The following NALF1 variants were observed in gnomAD, a reference collection of about 807,000 sequenced individuals.
NALF1 encodes family with sequence similarity 155 member A.
NALF1 carries 3 observed loss-of-function variants against 48.4 expected under a neutral mutation model. The observed-to-expected ratio is 0.06, with a 90% CI of 0.03 to 0.16. The LOEUF (loss-of-function observed/expected upper bound fraction) is 0.16, where lower values mean the gene tolerates loss of function less well. Among genes scored for constraint, NALF1 ranks in the 10% least tolerant of loss-of-function variants. NALF1 has a pLI of 1.00. For missense variants in NALF1, 526 were observed against 571.5 expected, an observed-to-expected ratio of 0.92 and a Z score of 0.81; for synonymous variants, 262 against 245.7, an observed-to-expected ratio of 1.07 and a Z score of -0.62.
intron 1 of NALF1, among the ~76,000 whole-genome samples, chr13:107,824,306 T>C (rs765660195): frequency 6.6e-6 from 1 of 152,126 alleles, no homozygotes; most frequent in Non-Finnish European, 1.5e-5. Flanking sequence ...GATATATTTG[T>C]TTTGACTCTA....
intron 1 of NALF1, among the ~76,000 whole-genome samples, chr13:107,595,407 C>T (rs1362952256): frequency 1.3e-5 from 2 of 152,032 alleles, no homozygotes; most frequent in Non-Finnish European, 2.9e-5. Flanking sequence ...AAGAGAGTAT[C>T]TCATATGTTC....
chr13:107,579,001 T>C (rs531903882), intron 1 of NALF1, among the ~76,000 whole-genome samples: 1 of 152,314 alleles, frequency 6.6e-6, no homozygotes, highest in South Asian at 2.1e-4. Flanking sequence ...GTCACTCTGC[T>C]CCAAGCCATC....
intron 1 of NALF1, among the ~76,000 whole-genome samples, chr13:107,855,778 A>T (rs536864159): frequency 1.3e-5 from 2 of 152,330 alleles, no homozygotes; most frequent in African/African-American, 4.8e-5. Context: ...CCTAAGTCTT[A>T]ATTACCGCTT....
intron 1 of NALF1, among the ~76,000 whole-genome samples, chr13:107,485,717 T>C (rs1483718126): frequency 6.6e-6 from 1 of 152,200 alleles, no homozygotes; most frequent in Non-Finnish European, 1.5e-5. Flanking sequence ...GAAATATAGA[T>C]GCATCTGTAC....
chr13:107,335,726 C>G (rs1882543566), intron 1 of NALF1, among the ~76,000 whole-genome samples: 1 of 152,164 alleles, frequency 6.6e-6, no homozygotes, highest in South Asian at 2.1e-4. Context: ...CTACAGGCAG[C>G]TGGAAAAGGA....
At position 107,165,771 on chromosome 13, in the gene NALF1, GT is replaced by G. The variant is rs981882175; in HGVS notation, c.*4725del. On this transcript the variant is annotated 3_prime_UTR_variant, in exon 3 of 3. Transcript: ENST00000375915. ...ACCCAATACCTACCTGCTATATTAG[GT>G]TTTTTATAAACATTGTTAAAGCTTG... is the stretch of plus-strand genomic sequence containing the variant. 1.8e-4 allele frequency: 27 copies of G among 152,150 alleles called. No homozygotes were observed. In the Middle Eastern group the frequency reaches 0.014, roughly 77 times the overall value. 9.4% of individuals were successfully genotyped at this position (152,150 alleles called of 1,614,324 possible). A position where few individuals can be genotyped will look rare whatever the true frequency, so the allele number is the denominator to read the frequency against.
chr13:107,603,557 C>A (rs1878989813), intron 1 of NALF1, among the ~76,000 whole-genome samples: 1 of 151,980 alleles, frequency 6.6e-6, no homozygotes, highest in Non-Finnish European at 1.5e-5. Flanking sequence ...AATGGATTAG[C>A]CATTATCATA....
intron 1 of NALF1, among the ~76,000 whole-genome samples, chr13:107,780,086 T>G (rs1226158508): frequency 6.6e-6 from 1 of 151,974 alleles, no homozygotes. Flanking sequence ...GTTTTGTTGT[T>G]GTGGTTGTGT....
At chr13:107,788,886 T>C (rs1878151686) in intron 1 of NALF1, 1 of 152,052 alleles carries the variant, frequency 6.6e-6, no homozygotes, top group Admixed American at 6.6e-5. Context: ...CAACAATATA[T>C]GATAATTATT....
intron 1 of NALF1, among the ~76,000 whole-genome samples, chr13:107,518,636 G>A (rs1413238937): frequency 6.6e-6 from 1 of 152,124 alleles, no homozygotes; most frequent in Non-Finnish European, 1.5e-5. Context: ...GTAAGGGACA[G>A]TAGATACACA....
At chr13:107,445,892 T>C (rs1020115308) in intron 1 of NALF1, among the ~76,000 whole-genome samples, 2 of 152,180 alleles carry the variant, frequency 1.3e-5, no homozygotes, top group Non-Finnish European at 2.9e-5. Context: ...ATTCTTTATT[T>C]GGACTTTTTA....
intron 1 of NALF1, among the ~76,000 whole-genome samples, chr13:107,843,080 C>G (rs534164395): frequency 6.6e-6 from 1 of 152,300 alleles, no homozygotes; most frequent in African/African-American, 2.4e-5. Flanking sequence ...TAACAATGGC[C>G]AGCAGACCAT....
intron 1 of NALF1, among the ~76,000 whole-genome samples, chr13:107,419,053 C>T (rs1331479251): frequency 6.6e-6 from 1 of 152,160 alleles, no homozygotes; most frequent in Non-Finnish European, 1.5e-5. Context: ...AATAATATGA[C>T]AGCATCAGTG....
At position 107,866,685 on chromosome 13, in the gene NALF1, T is replaced by C; in HGVS notation, c.-89A>G. On this transcript the variant is annotated 5_prime_UTR_variant, in exon 1 of 3. Transcript: ENST00000375915. The surrounding 1 kb of genome is among the most constrained non-coding windows in gnomAD (Gnocchi z 4.4). The stretch of plus-strand genomic sequence containing the variant: ...ATATGCATTGACTTAAAGGGTTTAA[T>C]TTCCTTATCCCCTCCTCCCGTTTCT... 9.2e-7 allele frequency: 1 copy of C among 1,087,822 alleles called. No individual in the cohort carries two copies. Among genetic ancestry groups the C allele is most frequent in the Non-Finnish European group, 1.3e-6 (1 of 755,094 alleles). 67.4% of individuals were successfully genotyped at this position (1,087,822 alleles called of 1,614,324 possible).
intron 1 of NALF1, among the ~76,000 whole-genome samples, chr13:107,763,043 T>G (rs999036114): frequency 9.3e-6 from 1 of 107,680 alleles, no homozygotes; most frequent in Non-Finnish European, 1.9e-5. Flanking sequence ...TTTGATACCT[T>G]TTTTTTTTTC....
chr13:107,199,985 T>C (rs139536691), intron 2 of NALF1, among the ~76,000 whole-genome samples: 1 of 131,058 alleles, frequency 7.6e-6, no homozygotes, highest in South Asian at 2.2e-4. Flanking sequence ...GAGTTGCTAC[T>C]CACTAATGAA....
chr13:107,843,075 A>G (rs1410540825), intron 1 of NALF1, among the ~76,000 whole-genome samples: 1 of 152,194 alleles, frequency 6.6e-6, no homozygotes, highest in Non-Finnish European at 1.5e-5. Context: ...TTAGATAACA[A>G]TGGCCAGCAG....
intron 1 of NALF1, among the ~76,000 whole-genome samples, chr13:107,402,208 A>G (rs1883821488): frequency 6.6e-6 from 1 of 150,834 alleles, no homozygotes; most frequent in South Asian, 2.1e-4. Flanking sequence ...GCTTCGATAA[A>G]TCAATCAGCC....
intron 1 of NALF1, among the ~76,000 whole-genome samples, chr13:107,839,007 T>C (rs1198853663): frequency 6.6e-6 from 1 of 152,148 alleles, no homozygotes; most frequent in Admixed American, 6.5e-5. Flanking sequence ...GGTTGCAAAA[T>C]TCTGCCTGTG....
Sources: gnomAD v4.1 joint callset for allele counts (sites outside exome capture counted in the v4.1 genomes callset) on GRCh38, gnomAD v4.1.1 for gene constraint, Gnocchi (gnomAD v3.1) non-coding constraint, MANE v1.5 for transcripts, NCBI Gene and HGNC (gene_info 2026-07-23, HGNC 2026-07-21) for gene names.